Variants in ECE1 observed in about 807,000 individuals in gnomAD.
ECE1 encodes endothelin converting enzyme 1.
In ECE1, 35 loss-of-function variants were observed where a neutral mutation model predicts 98.6. That is an observed-to-expected ratio of 0.35 (90% CI 0.27 to 0.47). The LOEUF (loss-of-function observed/expected upper bound fraction) is 0.47, where lower values mean the gene tolerates loss of function less well. Ranked by LOEUF, ECE1 falls within the 20% of genes least tolerant of loss-of-function variation. ECE1 has a pLI of 1.00. For missense variants in ECE1, 814 were observed against 1,025.3 expected (o/e 0.79, Z 2.81); for synonymous variants, 394 against 407.1 (o/e 0.97, Z 0.39).
chr1:21,286,076 C>G (rs1034912579), intron 2 of ECE1, among the ~76,000 whole-genome samples: 4 of 151,620 alleles, frequency 2.6e-5, no homozygotes, highest in Non-Finnish European at 4.4e-5. Flanking sequence ...AATTTAATAT[C>G]TCACCTTTCT....
chr1:21,341,644 T>C (rs968846454), intron 1 of ECE1, among the ~76,000 whole-genome samples: 2 of 152,160 alleles, frequency 1.3e-5, no homozygotes, highest in African/African-American at 4.8e-5. Flanking sequence ...AGTGTAGCAA[T>C]GTAAGGAGGC....
intron 1 of ECE1, among the ~76,000 whole-genome samples, chr1:21,314,429 C>T (rs775418013): frequency 3.3e-5 from 5 of 152,238 alleles, no homozygotes; most frequent in African/African-American, 4.8e-5. Context: ...GGGAGCCAAT[C>T]TGCCATTGCA....
intron 9 of ECE1, among the ~76,000 whole-genome samples, chr1:21,246,691 C>CT (rs1223398393): frequency 6.6e-6 from 1 of 152,120 alleles, no homozygotes; most frequent in Non-Finnish European, 1.5e-5. Flanking sequence ...GGGTTTTACT[C>CT]TGTCTCCCAC....
intron 15 of ECE1, 113 bp downstream of exon 15, chr1:21,227,818 G>T: frequency 1.2e-6 from 1 of 825,154 alleles, no homozygotes; most frequent in Non-Finnish European, 1.9e-6. Context: ...TCTGACATCT[G>T]CAACCTGAAG....
At chr1:21,338,671 C>T (rs936158086) in intron 1 of ECE1, among the ~76,000 whole-genome samples, 3 of 152,302 alleles carry the variant, frequency 2.0e-5, no homozygotes, top group East Asian at 1.9e-4. Context: ...CTGAGGCCCA[C>T]GAAGGAAGAC....
chr1:21,290,193 C>T lies in ECE1; in HGVS notation c.52-37G>A. On this transcript the variant is annotated intron_variant, in intron 1 of 18. Transcript: ENST00000374893. The surrounding 1 kb of genome is among the most constrained non-coding windows in gnomAD (Gnocchi z 7.3). Reference sequence around the variant, plus strand: ...AATGCAGCACGGACTCCCTCAGCGCCTCCATGGCTCTCGCGCCCGAATGGG... The same window carrying T: ...AATGCAGCACGGACTCCCTCAGCGCTTCCATGGCTCTCGCGCCCGAATGGG... 1.3e-6 allele frequency: 2 copies of T among 1,492,686 alleles called. No homozygotes were observed. Among genetic ancestry groups the T allele is most frequent in the Non-Finnish European group, 1.8e-6 (2 of 1,120,812 alleles). The allele number at this position is 1,492,686 out of a possible 1,614,324, so 92.5% of individuals were successfully genotyped here.
intron 7 of ECE1, 34 bp from the exon 8 acceptor site, chr1:21,256,172 G>GC (rs749779275): frequency 1.1e-4 from 173 of 1,575,964 alleles, no homozygotes; most frequent in Middle Eastern, 1.7e-4. Context: ...GTCAGTGGCT[G>GC]CCCCCCCACT....
chr1:21,237,922 C>T (rs962207705), intron 11 of ECE1, among the ~76,000 whole-genome samples: 2 of 152,244 alleles, frequency 1.3e-5, no homozygotes, highest in Non-Finnish European at 2.9e-5. Context: ...TGAGCTCGTG[C>T]AGATAAGGGC....
chr1:21,273,151 C>A (rs544721627), intron 3 of ECE1, among the ~76,000 whole-genome samples: 27 of 152,378 alleles, frequency 1.8e-4, no homozygotes, highest in African/African-American at 6.0e-4. Flanking sequence ...CCAGGTGTTT[C>A]TCTTAATCAA....
chr1:21,272,631 A>G (rs1426534134), intron 4 of ECE1, 68 bp downstream of exon 4: 30 of 1,589,326 alleles, frequency 1.9e-5, no homozygotes, highest in Non-Finnish European at 2.6e-5. Context: ...CGCAGCTGGG[A>G]AGCTGGCTGG....
At chr1:21,312,162 G>T (rs1331641928) in intron 1 of ECE1, among the ~76,000 whole-genome samples, 1 of 148,786 alleles carries the variant, frequency 6.7e-6, no homozygotes, top group Non-Finnish European at 1.5e-5. Context: ...AATTAGTCTG[G>T]TGTGGTGGCA....
chr1:21,304,162 A>G (rs1408807197), intron 1 of ECE1, among the ~76,000 whole-genome samples: 2 of 151,084 alleles, frequency 1.3e-5, no homozygotes, highest in Non-Finnish European at 3.0e-5. Flanking sequence ...AAAAAATACA[A>G]AAAATTAGCC....
At chr1:21,274,078 C>T (rs1377048920) in intron 3 of ECE1, among the ~76,000 whole-genome samples, 3 of 152,228 alleles carry the variant, frequency 2.0e-5, no homozygotes, top group Admixed American at 2.0e-4. Context: ...GTGTACTGGG[C>T]ACTTTGCACA....
chr1:21,344,632 C>A (rs1639462730), intron 1 of ECE1, among the ~76,000 whole-genome samples: 1 of 152,078 alleles, frequency 6.6e-6, no homozygotes, highest in Non-Finnish European at 1.5e-5. Context: ...CTTTAGAGAG[C>A]CCCATGAAAC....
Position 21,303,902 on chromosome 1 carries a change from C to T in ECE1, c.4-13746G>A, listed in dbSNP as rs186278759. ...TTGACCTCAAGTGATCTGCCTGCCTCGACCTCCCAAAGTGTTGGGATTACA... is the reference window on the plus strand; with the variant it reads ...TTGACCTCAAGTGATCTGCCTGCCTTGACCTCCCAAAGTGTTGGGATTACA... On this transcript the variant is annotated intron_variant, in intron 1 of 18. Coordinates refer to the ECE1 transcript ENST00000415912. 3.9e-4 allele frequency among the ~76,000 whole-genome samples: 60 copies of T among 151,910 alleles called. No individual in the cohort carries two copies. In the East Asian group the frequency reaches 0.011, roughly 27 times the overall value.
At chr1:21,342,933 G>T (rs191941553) in intron 1 of ECE1, among the ~76,000 whole-genome samples, 2 of 152,230 alleles carry the variant, frequency 1.3e-5, no homozygotes, top group Non-Finnish European at 2.9e-5. Context: ...GTACTTTCTG[G>T]CCCCAGCAAC....
At chr1:21,261,712 T>G (rs1034546541) in intron 4 of ECE1, among the ~76,000 whole-genome samples, 1 of 152,116 alleles carries the variant, frequency 6.6e-6, no homozygotes, top group African/African-American at 2.4e-5. Flanking sequence ...GACACGACAG[T>G]GCTATGAACA....
chr1:21,256,463 G>A (rs2098220077), intron 7 of ECE1, among the ~76,000 whole-genome samples: 1 of 152,194 alleles, frequency 6.6e-6, no homozygotes, highest in South Asian at 2.1e-4. Context: ...GGCTGAGGCA[G>A]GAGAATCACT....
intron 9 of ECE1, among the ~76,000 whole-genome samples, chr1:21,245,624 G>A (rs1014228907): frequency 5.9e-5 from 9 of 152,168 alleles, no homozygotes; most frequent in Admixed American, 1.3e-4. Context: ...TGTTGCCACC[G>A]TTGCCAAGAA....
Sources: allele counts gnomAD v4.1 joint callset (sites outside exome capture counted in the v4.1 genomes callset), GRCh38; gene constraint gnomAD v4.1.1; non-coding constraint Gnocchi (gnomAD v3.1); transcripts MANE v1.5; gene names NCBI Gene and HGNC (gene_info 2026-07-23, HGNC 2026-07-21).